Variants in SLC8A3 observed in about 807,000 individuals in gnomAD.
The protein encoded by SLC8A3 is sodium/calcium exchanger 3.
SLC8A3 carries 37 observed loss-of-function variants against 65.4 expected under a neutral mutation model. The observed-to-expected ratio is 0.57, with a 90% confidence interval of 0.44 to 0.74. The LOEUF (loss-of-function observed/expected upper bound fraction) is 0.74, where lower values mean the gene tolerates loss of function less well. Among genes scored for constraint, SLC8A3 ranks in the 30% least tolerant of loss-of-function variants. SLC8A3 has a pLI of 0.00. For synonymous variants in SLC8A3, 461 were observed against 444.5 expected (o/e 1.04, Z -0.47); for missense variants, 1,112 against 1,172.1 (o/e 0.95, Z 0.75).
rs1887057200 is a variant in SLC8A3, at chr14:70,048,518, A to T, written c.2389+249T>A. 4 of 624,670 alleles carry T rather than the reference A, an allele frequency of 6.4e-6. No homozygotes were observed. The South Asian group carries it at 7.6e-5, about 12-fold the overall frequency. The allele number at this position is 624,670 out of a possible 1,614,324, so 38.7% of individuals were successfully genotyped here. ...TTAATAGGGCTTTGGGAAACATTACAGGGGGAAAATGTAAATGTGTAAATT... is the reference window on the plus strand; with the variant it reads ...TTAATAGGGCTTTGGGAAACATTACTGGGGGAAAATGTAAATGTGTAAATT... On this transcript the variant is annotated intron_variant, in intron 6 of 6. Coordinates refer to ENST00000356921, the MANE Select transcript of SLC8A3 (RefSeq NM_182932.3).
At chr14:70,053,526 A>G (rs1278445638) in intron 3 of SLC8A3, among the ~76,000 whole-genome samples, 1 of 151,922 alleles carries the variant, frequency 6.6e-6, no homozygotes, top group Non-Finnish European at 1.5e-5. Context: ...GTATTATTCC[A>G]CTCCTTCCTC....
intron 2 of SLC8A3, among the ~76,000 whole-genome samples, chr14:70,145,357 T>C (rs1384472491): frequency 6.6e-6 from 1 of 152,214 alleles, no homozygotes. Flanking sequence ...ATACCTCCAT[T>C]ATTAAATTCA....
chr14:70,174,978 C>G (rs938715428), intron 1 of SLC8A3, among the ~76,000 whole-genome samples: 1 of 152,068 alleles, frequency 6.6e-6, no homozygotes, highest in African/African-American at 2.4e-5. Flanking sequence ...TTATACTGTT[C>G]TTGCTTCTCT....
chr14:70,156,596 T>C (rs1046649605), intron 2 of SLC8A3, among the ~76,000 whole-genome samples: 16 of 152,294 alleles, frequency 1.1e-4, no homozygotes, highest in African/African-American at 3.6e-4. Flanking sequence ...CAATGGGACA[T>C]GAGCACCTGA....
At chr14:70,110,678 T>G (rs907815408) in intron 2 of SLC8A3, among the ~76,000 whole-genome samples, 3 of 3,408 alleles carry the variant, frequency 8.8e-4, no homozygotes, top group African/African-American at 1.8e-3. Flanking sequence ...TCTTTCTTTT[T>G]TTTTTTTTTT....
chr14:70,163,804 TC>T (rs1263618759), intron 2 of SLC8A3, among the ~76,000 whole-genome samples: 1 of 152,106 alleles, frequency 6.6e-6, no homozygotes, highest in African/African-American at 2.4e-5. Flanking sequence ...GGAATCTCAA[TC>T]CCTCCCCTAG....
At position 70,167,593 on chromosome 14, in the gene SLC8A3, G is replaced by C; in HGVS notation, c.830C>G (p.Thr277Arg). The C allele has an allele frequency of 6.2e-7, 1 of 1,614,056 alleles. No homozygotes were observed. ...TDKHRGIIIETEGDHPKGIEM... is the reference protein window; with the variant it reads ...TDKHRGIIIEREGDHPKGIEM... ...AATGCCCTTAGGGTGGTCACCCTCT[G>C]TCTCTATGATAATTCCTCGGTGTTT... is the stretch of plus-strand genomic sequence containing the variant. Residue 277 changes from threonine (T) to arginine (R), a missense_variant, in exon 2 of 7, where the codon ACA becomes AGA. Physicochemically the swap from Thr to Arg is moderately conservative, Grantham distance 71. Transcript: ENST00000356921.
At chr14:70,083,157 T>A (rs1005175948) in intron 2 of SLC8A3, among the ~76,000 whole-genome samples, 2 of 152,174 alleles carry the variant, frequency 1.3e-5, no homozygotes, top group Non-Finnish European at 2.9e-5. Flanking sequence ...CTCCCCAGCA[T>A]CTCCTTTAGA....
rs796416077 is a variant in SLC8A3 at position 70,065,694 on chromosome 14, G to A, written c.1785-4755C>T. On this transcript the variant is annotated intron_variant, in intron 2 of 6. Transcript: ENST00000356921. ...TTCCCTATTAAAAGTTTCATAAATA[G>A]CAACCATTATCACTAAGAGTAACAA... 3.9e-5 allele frequency among the ~76,000 whole-genome samples: 6 copies of A among 152,306 alleles called. 1 individual carries two copies. The highest frequency in any genetic ancestry group is 9.6e-5 in the African/African-American group (4 of 41,554).
At chr14:70,084,037 C>T (rs1442630813) in intron 2 of SLC8A3, among the ~76,000 whole-genome samples, 1 of 152,168 alleles carries the variant, frequency 6.6e-6, no homozygotes, top group South Asian at 2.1e-4. Flanking sequence ...GGGAAAAGCA[C>T]CTTTTTAAGC....
intron 2 of SLC8A3, among the ~76,000 whole-genome samples, chr14:70,166,061 A>G (rs1484050874): frequency 6.6e-6 from 1 of 152,240 alleles, no homozygotes; most frequent in Admixed American, 6.5e-5. Flanking sequence ...ATTTAAAAAG[A>G]TTGCTAAATT....
rs1283252802 is a variant in SLC8A3, at chr14:70,168,203, T to C, written c.220A>G (p.Ile74Val). The change falls in exon 2 of 7, where the codon ATT (isoleucine) becomes GTT (valine). Residue 74 changes from isoleucine (I) to valine (V), a missense_variant. By Grantham distance (29) the Ile-to-Val change is conservative. Transcript: ENST00000356921. ...YPENPSLGDK[I>V]ARVIVYFVAL... is the part of the protein sequence containing the mutation. ...ACAAAATAGACAATGACCCTGGCAA[T>C]CTTGTCCCCAAGGGAAGGGTTCTCC... 1 of 1,614,140 alleles carries C rather than the reference T, an allele frequency of 6.2e-7. No homozygotes were observed. The highest frequency in any genetic ancestry group is 8.5e-7 in the Non-Finnish European group (1 of 1,180,026).
intron 3 of SLC8A3, chr14:70,059,469 T>C (rs1888523658): frequency 6.6e-6 from 1 of 152,184 alleles, no homozygotes; most frequent in Non-Finnish European, 1.5e-5. Flanking sequence ...CGTCCTCTTG[T>C]TATTTCCCAG....
intron 2 of SLC8A3, among the ~76,000 whole-genome samples, chr14:70,110,802 T>G (rs1893247301): frequency 6.6e-6 from 1 of 150,972 alleles, no homozygotes; most frequent in Admixed American, 6.6e-5. Context: ...TGCCTCAGCC[T>G]TCCGAGTAGC....
At chr14:70,082,468 C>A (rs1006292177) in intron 2 of SLC8A3, among the ~76,000 whole-genome samples, 1 of 152,120 alleles carries the variant, frequency 6.6e-6, no homozygotes, top group African/African-American at 2.4e-5. Flanking sequence ...TCAACAATAA[C>A]AACAACAACA....
At position 70,138,566 on chromosome 14, in the gene SLC8A3, A is replaced by C. The variant is rs1895371477; in HGVS notation, c.1784+28073T>G. The stretch of plus-strand genomic sequence containing the variant: ...TTCAGACTTCTCCCACCATTGCATC[A>C]ACTATAAGTTCCTGGAAGGTGTGGA... On this transcript the variant is annotated intron_variant, in intron 2 of 6. Coordinates refer to ENST00000356921, the MANE Select transcript of SLC8A3 (RefSeq NM_182932.3). Among the ~76,000 whole-genome samples, 3 of 152,204 alleles carry C rather than the reference A, an allele frequency of 2.0e-5. No individual in the cohort carries two copies. The South Asian group carries it at 6.2e-4, about 31-fold the overall frequency.
chr14:70,075,480 G>C (rs566007978), intron 2 of SLC8A3, among the ~76,000 whole-genome samples: 2 of 152,246 alleles, frequency 1.3e-5, no homozygotes, highest in African/African-American at 4.8e-5. Flanking sequence ...CTGGAAAGGT[G>C]GTGTCCAGTT....
chr14:70,062,492 C>G (rs764061615), intron 2 of SLC8A3, among the ~76,000 whole-genome samples: 1 of 152,150 alleles, frequency 6.6e-6, no homozygotes, highest in Non-Finnish European at 1.5e-5. Context: ...ATATTCAGTA[C>G]AAGCACATGC....
chr14:70,126,512 C>T lies in SLC8A3; in HGVS notation c.1784+40127G>A, dbSNP rs1292873094. 2.0e-5 allele frequency among the ~76,000 whole-genome samples: 3 copies of T among 149,104 alleles called. No homozygotes were observed. In the East Asian group the frequency reaches 6.2e-4, roughly 31 times the overall value. Reference sequence around the variant, plus strand: ...AATACAAAGAAACCCAAAATTTTGTCCTGAGGAACTTAGAATATAAAGGAA... The same window carrying T: ...AATACAAAGAAACCCAAAATTTTGTTCTGAGGAACTTAGAATATAAAGGAA... On this transcript the variant is annotated intron_variant, in intron 2 of 6. Transcript: ENST00000356921.
Sources: allele counts gnomAD v4.1 joint callset (sites outside exome capture counted in the v4.1 genomes callset), GRCh38; gene constraint gnomAD v4.1.1; transcripts MANE v1.5; gene names NCBI Gene and HGNC (gene_info 2026-07-23, HGNC 2026-07-21).